MAD1L1: variants seen among roughly 807,000 people sequenced by gnomAD.
The protein encoded by MAD1L1 is mitotic spindle assembly checkpoint protein MAD1.
A neutral mutation model predicts 96.9 loss-of-function variants in MAD1L1; 95 were observed. The observed-to-expected ratio is 0.98, with a 90% CI of 0.83 to 1.16. The LOEUF is 1.16. Ranked by LOEUF, MAD1L1 falls within the 50% of genes most tolerant of loss-of-function variation. The pLI, the probability that MAD1L1 is intolerant of heterozygous loss-of-function variation, is 0.00. For missense variants in MAD1L1, 1,007 were observed against 954.4 expected, an observed-to-expected ratio of 1.06 and a Z score of -0.73; for synonymous variants, 473 against 396.6, an observed-to-expected ratio of 1.19 and a Z score of -2.29.
intron 11 of MAD1L1, among the ~76,000 whole-genome samples, chr7:2,084,196 G>A (rs1278378727): frequency 6.6e-6 from 1 of 152,228 alleles, no homozygotes; most frequent in Non-Finnish European, 1.5e-5. Context: ...AAACACAATG[G>A]AAGTTTCTGC....
chr7:1,872,227 C>T (rs148835026), intron 18 of MAD1L1, among the ~76,000 whole-genome samples: 1,978 of 152,318 alleles, frequency 0.013, 38 homozygotes, highest in African/African-American at 0.045. Flanking sequence ...CGGGGTGCTG[C>T]AGGCCTGGGA....
chr7:1,977,611 GA>G (rs1395469482), intron 15 of MAD1L1, among the ~76,000 whole-genome samples: 1 of 152,278 alleles, frequency 6.6e-6, no homozygotes, highest in African/African-American at 2.4e-5. Context: ...TGGTGGGGAC[GA>G]GAAGCTTTGA....
At chr7:2,213,379 G>C in intron 9 of MAD1L1, 106 bp from the exon 10 acceptor site, 1 of 1,047,444 alleles carries the variant, frequency 9.5e-7, no homozygotes, top group South Asian at 1.3e-5. Context: ...TCTCAGGAGA[G>C]CCTGCCCTCA....
At chr7:2,173,652 A>G (rs62443041) in intron 10 of MAD1L1, among the ~76,000 whole-genome samples, 22,288 of 152,154 alleles carry the variant, frequency 0.15, 1,850 homozygotes, top group Middle Eastern at 0.27. Context: ...ACTGAGCACC[A>G]TCTGCCCGGG....
intron 10 of MAD1L1, among the ~76,000 whole-genome samples, chr7:2,199,163 T>A (rs1792151335): frequency 6.6e-6 from 1 of 152,236 alleles, no homozygotes; most frequent in African/African-American, 2.4e-5. Context: ...AAATGGCATT[T>A]GCAAAGCGAG....
intron 18 of MAD1L1, chr7:1,847,818 C>T (rs754861684): frequency 1.5e-5 from 6 of 406,668 alleles, no homozygotes; most frequent in South Asian, 1.1e-4. Flanking sequence ...TGGCCGGCTC[C>T]AGGCCTCCAC....
At chr7:1,873,500 G>A (rs1196807301) in intron 18 of MAD1L1, among the ~76,000 whole-genome samples, 1 of 151,970 alleles carries the variant, frequency 6.6e-6, no homozygotes, top group African/African-American at 2.4e-5. Flanking sequence ...AGCACGGCAC[G>A]GCCGGGGCTG....
intron 11 of MAD1L1, among the ~76,000 whole-genome samples, chr7:2,091,783 A>C (rs1281149378): frequency 6.6e-6 from 1 of 152,104 alleles, no homozygotes; most frequent in Non-Finnish European, 1.5e-5. Flanking sequence ...CTCAAAAAAA[A>C]AAAAAAAGAT....
rs1789163912 is a variant in MAD1L1 at position 1,927,594 on chromosome 7, A to G, written c.1807+9093T>C. On this transcript the variant is annotated intron_variant, in intron 17 of 18. Transcript: ENST00000265854. ...AAACATAATTCAATGGTGGCAGGAC[A>G]GTCAGTTCAATAATAATGGCACAAT... is the stretch of plus-strand genomic sequence containing the variant. 1.3e-5 allele frequency among the ~76,000 whole-genome samples: 2 copies of G among 152,224 alleles called. 1 individual carries two copies. The highest frequency in any genetic ancestry group is 4.1e-4 in the South Asian group (2 of 4,830).
intron 17 of MAD1L1, among the ~76,000 whole-genome samples, chr7:1,920,975 G>A (rs1788755509): frequency 6.6e-6 from 1 of 152,238 alleles, no homozygotes; most frequent in Non-Finnish European, 1.5e-5. Context: ...TCGGCTCTGA[G>A]CCCTGGAGAC....
intron 17 of MAD1L1, among the ~76,000 whole-genome samples, chr7:1,902,611 C>T (rs1241696713): frequency 6.6e-6 from 1 of 152,266 alleles, no homozygotes; most frequent in Admixed American, 6.5e-5. Context: ...TTCCGCCCTT[C>T]CCCGGGGCCT....
chr7:1,983,114 A>G (rs1241802962), intron 14 of MAD1L1, among the ~76,000 whole-genome samples: 3 of 151,566 alleles, frequency 2.0e-5, no homozygotes, highest in African/African-American at 7.3e-5. Flanking sequence ...ACGTGCACAC[A>G]CGCACACACA....
chr7:2,183,212 CAAA>C (rs1020370883), intron 10 of MAD1L1, among the ~76,000 whole-genome samples: 4 of 101,668 alleles, frequency 3.9e-5, no homozygotes, highest in South Asian at 3.0e-4. Flanking sequence ...GACTCTGCCT[CAAA>C]AAAAAAAAAA....
chr7:2,140,305 C>T (rs1213526829), intron 11 of MAD1L1, among the ~76,000 whole-genome samples: 1 of 152,214 alleles, frequency 6.6e-6, no homozygotes. Flanking sequence ...TCCAGCAGCC[C>T]CCGTCCGCCC....
chr7:2,031,772 G>A (rs1243403448), intron 12 of MAD1L1, among the ~76,000 whole-genome samples: 1 of 152,250 alleles, frequency 6.6e-6, no homozygotes, highest in Non-Finnish European at 1.5e-5. Context: ...GGGGCCATGG[G>A]CCTGAGACAG....
chr7:1,821,805 A>G (rs1377974075), intron 18 of MAD1L1, among the ~76,000 whole-genome samples: 7 of 152,210 alleles, frequency 4.6e-5, no homozygotes, highest in Non-Finnish European at 1.0e-4. Flanking sequence ...AGCACCACGA[A>G]GAACCCTCAG....
At chr7:1,861,300 C>T (rs1562466941) in intron 18 of MAD1L1, among the ~76,000 whole-genome samples, 1 of 152,234 alleles carries the variant, frequency 6.6e-6, no homozygotes, top group Non-Finnish European at 1.5e-5. Context: ...GGGCACATGG[C>T]TCCACCTGGC....
At chr7:2,066,291 C>G (rs962741757) in intron 12 of MAD1L1, among the ~76,000 whole-genome samples, 5 of 152,228 alleles carry the variant, frequency 3.3e-5, no homozygotes, top group African/African-American at 7.2e-5. Context: ...CCATGCAGAG[C>G]TGAGGTGGGC....
intron 11 of MAD1L1, among the ~76,000 whole-genome samples, chr7:2,121,044 G>A (rs1787952939): frequency 6.6e-6 from 1 of 152,176 alleles, no homozygotes; most frequent in Non-Finnish European, 1.5e-5. Flanking sequence ...GCACGGTGAC[G>A]GCAGGGCTCC....
Sources: gnomAD v4.1 joint callset for allele counts (sites outside exome capture counted in the v4.1 genomes callset) on GRCh38, gnomAD v4.1.1 for gene constraint, MANE v1.5 for transcripts, NCBI Gene and HGNC (gene_info 2026-07-23, HGNC 2026-07-21) for gene names.